The following EBF1 variants were observed in gnomAD, a reference collection of about 807,000 sequenced individuals.
The protein encoded by EBF1 is EBF transcription factor 1.
A neutral mutation model predicts 68.4 loss-of-function variants in EBF1; 10 were observed. The ratio of observed to expected loss-of-function variants is 0.15; its 90% CI spans 0.09 to 0.25. The LOEUF is 0.25. Ranked by LOEUF, EBF1 falls within the 10% of genes least tolerant of loss-of-function variation. The pLI is 1.00. For synonymous variants in EBF1, 298 were observed against 299.8 expected (o/e 0.99, Z 0.06); for missense variants, 509 against 794.4 (o/e 0.64, Z 4.32).
rs373170575 is a variant in EBF1, at chr5:158,854,559, C to T, written c.555-14449G>A. 2.6e-5 allele frequency among the ~76,000 whole-genome samples: 4 copies of T among 152,212 alleles called. No homozygotes were observed. The East Asian group carries it at 5.8e-4, about 22-fold the overall frequency. On this transcript the variant is annotated intron_variant, in intron 6 of 15. Transcript: ENST00000313708. Reference sequence around the variant, plus strand: ...AGACACAGGGAAAACCTCCAATACCCACCTGTTCACAGCTGGATTTCCCAG... The same window carrying T: ...AGACACAGGGAAAACCTCCAATACCTACCTGTTCACAGCTGGATTTCCCAG...
At chr5:158,802,939 G>GT (rs1421840908) in intron 8 of EBF1, among the ~76,000 whole-genome samples, 1 of 152,098 alleles carries the variant, frequency 6.6e-6, no homozygotes, top group African/African-American at 2.4e-5. Context: ...GTATTTTATT[G>GT]TAAGACTTTC....
chr5:159,067,368 A>C (rs1777032246), intron 6 of EBF1, among the ~76,000 whole-genome samples: 1 of 152,202 alleles, frequency 6.6e-6, no homozygotes, highest in African/African-American at 2.4e-5. Flanking sequence ...GGGCCATGCT[A>C]CACATACACA....
intron 4 of EBF1, among the ~76,000 whole-genome samples, chr5:159,094,725 C>T (rs1255176882): frequency 6.6e-6 from 1 of 152,074 alleles, no homozygotes; most frequent in Non-Finnish European, 1.5e-5. Context: ...TAACTTTTTT[C>T]TTTGTTCTAA....
intron 9 of EBF1, among the ~76,000 whole-genome samples, chr5:158,790,905 A>G (rs1265566839): frequency 3.9e-5 from 6 of 152,198 alleles, no homozygotes; most frequent in South Asian, 2.1e-4. Flanking sequence ...TCAACATCAC[A>G]TCTGTGTATT....
chr5:158,883,270 C>T (rs189355484), intron 6 of EBF1, among the ~76,000 whole-genome samples: 65 of 150,832 alleles, frequency 4.3e-4, no homozygotes, highest in Admixed American at 3.5e-3. Context: ...CTTTTTCTGG[C>T]GACAGCTTTT....
intron 6 of EBF1, among the ~76,000 whole-genome samples, chr5:158,929,374 G>T (rs1810367033): frequency 6.6e-6 from 1 of 152,080 alleles, no homozygotes; most frequent in South Asian, 2.1e-4. Flanking sequence ...TAAAAGAAAT[G>T]GTATATTTCT....
intron 6 of EBF1, among the ~76,000 whole-genome samples, chr5:158,960,667 G>C (rs191306328): frequency 1.3e-3 from 193 of 152,324 alleles, no homozygotes; most frequent in African/African-American, 4.3e-3. Flanking sequence ...ATGTGGGCTA[G>C]AGTTAGTGAC....
At chr5:158,840,628 C>T (rs1381029456) in intron 6 of EBF1, among the ~76,000 whole-genome samples, 1 of 131,370 alleles carries the variant, frequency 7.6e-6, no homozygotes, top group African/African-American at 2.8e-5. Flanking sequence ...ACTCCTTTGA[C>T]TTCTCAAATA....
chr5:159,064,088 T>C (rs1008780597), intron 6 of EBF1, among the ~76,000 whole-genome samples: 13 of 152,172 alleles, frequency 8.5e-5, no homozygotes, highest in South Asian at 2.1e-4. Flanking sequence ...AATGAGGACA[T>C]AAGAACTCAA....
chr5:158,841,766 G>T (rs1790384640), intron 6 of EBF1, among the ~76,000 whole-genome samples: 1 of 152,184 alleles, frequency 6.6e-6, no homozygotes, highest in Admixed American at 6.5e-5. Flanking sequence ...TCTGCTCCTT[G>T]GTCTCTTAGA....
chr5:158,802,008 G>A (rs1398898833), intron 8 of EBF1, among the ~76,000 whole-genome samples: 2 of 152,212 alleles, frequency 1.3e-5, no homozygotes, highest in Middle Eastern at 3.4e-3. Context: ...AGAAAGCAAG[G>A]GCCAGGAGAG....
rs564183640 is a variant in EBF1 at position 158,698,103 on chromosome 5, A to G, written c.*1008T>C. 5.0e-5 allele frequency: 11 copies of G among 219,276 alleles called. No homozygotes were observed. In the South Asian group the frequency reaches 1.5e-3, roughly 30 times the overall value. The allele number at this position is 219,276 out of a possible 1,614,324, so 13.6% of individuals were successfully genotyped here. A position where few individuals can be genotyped will look rare whatever the true frequency, so the allele number is the denominator to read the frequency against. On this transcript the variant is annotated 3_prime_UTR_variant, in exon 16 of 16. Transcript: ENST00000313708. The stretch of plus-strand genomic sequence containing the variant: ...AATACCTGCCACGTTGCTTTTATCA[A>G]CTTTTGGAAGATAGGTATGAAGTCT...
intron 6 of EBF1, among the ~76,000 whole-genome samples, chr5:159,024,155 A>G (rs75453003): frequency 0.011 from 1,667 of 152,218 alleles, 34 homozygotes; most frequent in African/African-American, 0.038. Flanking sequence ...CTTACACTTC[A>G]CAAACCAGTT....
chr5:158,966,581 G>T (rs959101999), intron 6 of EBF1, among the ~76,000 whole-genome samples: 2 of 152,088 alleles, frequency 1.3e-5, no homozygotes, highest in African/African-American at 4.8e-5. Context: ...CCGACAAAAA[G>T]TACACTCTTA....
At chr5:158,786,722 T>C (rs1777525298) in intron 9 of EBF1, among the ~76,000 whole-genome samples, 1 of 152,034 alleles carries the variant, frequency 6.6e-6, no homozygotes, top group African/African-American at 2.4e-5. Context: ...TGTTTGAAAA[T>C]TAAAATATAA....
intron 6 of EBF1, among the ~76,000 whole-genome samples, chr5:158,867,644 G>C (rs1054278552): frequency 3.1e-5 from 3 of 95,572 alleles, no homozygotes; most frequent in Admixed American, 1.9e-4. Flanking sequence ...TCTTAGGGCA[G>C]ACAATTCTCA....
At position 158,712,306 on chromosome 5, in the gene EBF1, G is replaced by A. The variant is rs556574598; in HGVS notation, c.1397C>T (p.Ser466Leu). The part of the protein sequence containing the change: ...QGFTRNSSSV[S>L]PHGYVPSTTP... The stretch of plus-strand genomic sequence containing the variant: ...GGTGCTCGGCACGTACCCGTGTGGT[G>A]ATACGCTGCTTGAGTTGCGGGTGAA... Residue 466 changes from serine (S) to leucine (L), a missense_variant, in exon 14 of 16, where the codon TCA becomes TTA. Physicochemically the swap from Ser to Leu is moderately radical, Grantham distance 145. Transcript: ENST00000313708. 6.2e-7 allele frequency: 1 copy of A among 1,614,042 alleles called. No homozygotes were observed. Among genetic ancestry groups the A allele is most frequent in the Non-Finnish European group, 8.5e-7 (1 of 1,179,982 alleles).
chr5:158,715,581 T>C (rs947252568), intron 11 of EBF1, among the ~76,000 whole-genome samples: 1 of 152,200 alleles, frequency 6.6e-6, no homozygotes, highest in African/African-American at 2.4e-5. Flanking sequence ...ATAGACCCCC[T>C]TTATAAAACA....
At chr5:158,699,214 TAAA>T (rs377502370) in intron 15 of EBF1, 72 bp from the exon 16 acceptor site, 130 of 1,151,152 alleles carry the variant, frequency 1.1e-4, no homozygotes, top group Middle Eastern at 2.8e-4. Context: ...TAATGAAGAC[TAAA>T]AAAAAAAAAA....
Sources: allele counts gnomAD v4.1 joint callset (sites outside exome capture counted in the v4.1 genomes callset), GRCh38; gene constraint gnomAD v4.1.1; transcripts MANE v1.5; gene names NCBI Gene and HGNC (gene_info 2026-07-23, HGNC 2026-07-21).